Variants in SHISA9 observed in about 807,000 individuals in gnomAD.
SHISA9 encodes shisa family member 9, also known as protein shisa-9.
In SHISA9, 13 loss-of-function variants were observed where a neutral mutation model predicts 38.0. The ratio of observed to expected loss-of-function variants is 0.34; its 90% CI spans 0.22 to 0.54. SHISA9 has a LOEUF of 0.54. Ranked by LOEUF, SHISA9 falls within the 20% of genes least tolerant of loss-of-function variation. The pLI is 0.91. For synonymous variants in SHISA9, 275 were observed against 242.0 expected, an observed-to-expected ratio of 1.14 and a Z score of -1.27; for missense variants, 538 against 575.8, an observed-to-expected ratio of 0.93 and a Z score of 0.67.
At chr16:13,515,729 T>C in the SHISA9 span, among the ~76,000 whole-genome samples, 1 of 152,196 alleles carries the variant, frequency 6.6e-6, no homozygotes, top group East Asian at 1.9e-4. Context: ...CCATAATAAA[T>C]ACTTGTTTAA....
chr16:13,388,502 G>C, the SHISA9 span, among the ~76,000 whole-genome samples: 3 of 151,880 alleles, frequency 2.0e-5, no homozygotes, highest in Non-Finnish European at 4.4e-5. Context: ...AGTAGAGACA[G>C]GTTTTCACCA....
At chr16:13,408,516 G>A in the SHISA9 span, among the ~76,000 whole-genome samples, 1 of 151,990 alleles carries the variant, frequency 6.6e-6, no homozygotes, top group African/African-American at 2.4e-5. Flanking sequence ...ATTTTTTCTA[G>A]CATAACTGAT....
At chr16:13,317,920 A>G in the SHISA9 span, among the ~76,000 whole-genome samples, 2 of 152,048 alleles carry the variant, frequency 1.3e-5, no homozygotes, top group Admixed American at 1.3e-4. Flanking sequence ...TCAGGTCTCA[A>G]ATTTTCTGTT....
chr16:13,368,649 T>C, the SHISA9 span, among the ~76,000 whole-genome samples: 7 of 152,080 alleles, frequency 4.6e-5, no homozygotes, highest in Admixed American at 2.6e-4. Context: ...GTGAATTTTC[T>C]TATCTTGGAG....
the SHISA9 span, among the ~76,000 whole-genome samples, chr16:13,387,245 A>G: frequency 2.0e-5 from 3 of 152,194 alleles, no homozygotes; most frequent in African/African-American, 7.2e-5. Context: ...ATGTGACCTC[A>G]TTTGGAAATA....
At chr16:13,227,384 G>T (rs2051289742) in intron 4 of SHISA9, among the ~76,000 whole-genome samples, 1 of 152,230 alleles carries the variant, frequency 6.6e-6, no homozygotes, top group African/African-American at 2.4e-5. Context: ...GGAAGGACTT[G>T]TTGGTTTGAC....
chr16:13,403,161 T>C, the SHISA9 span, among the ~76,000 whole-genome samples: 55 of 152,188 alleles, frequency 3.6e-4, no homozygotes, highest in East Asian at 0.011. Context: ...ACCTAGTTTG[T>C]TGCATTTTAC....
At chr16:13,198,042 G>A (rs140464175) in intron 2 of SHISA9, among the ~76,000 whole-genome samples, 21 of 152,142 alleles carry the variant, frequency 1.4e-4, no homozygotes, top group Admixed American at 9.8e-4. Flanking sequence ...AAAATTAGCC[G>A]GGCTTGGTGG....
the SHISA9 span, among the ~76,000 whole-genome samples, chr16:13,306,214 A>C: frequency 1.2e-4 from 18 of 152,244 alleles, no homozygotes; most frequent in Admixed American, 9.2e-4. Context: ...TGGGGTTATC[A>C]TAATTTGGCA....
chr16:13,354,337 G>A, the SHISA9 span, among the ~76,000 whole-genome samples: 1 of 95,646 alleles, frequency 1.0e-5, no homozygotes, highest in African/African-American at 3.8e-5. Flanking sequence ...TAAATCAAGC[G>A]TGATCAGGGT....
chr16:13,117,903 C>G (rs912120577), intron 2 of SHISA9, among the ~76,000 whole-genome samples: 3 of 152,116 alleles, frequency 2.0e-5, no homozygotes, highest in Admixed American at 6.5e-5. Flanking sequence ...CACAGTCAGC[C>G]TGGTGTGATG....
At chr16:13,211,368 G>A (rs1479668895) in intron 3 of SHISA9, among the ~76,000 whole-genome samples, 1 of 151,618 alleles carries the variant, frequency 6.6e-6, no homozygotes, top group African/African-American at 2.4e-5. Flanking sequence ...TTGAACTCTA[G>A]TGTATTTGAG....
the SHISA9 span, among the ~76,000 whole-genome samples, chr16:13,403,317 C>G: frequency 6.6e-6 from 1 of 152,140 alleles, no homozygotes; most frequent in African/African-American, 2.4e-5. Flanking sequence ...TTTGAACAGC[C>G]TTTTAGGACC....
the SHISA9 span, among the ~76,000 whole-genome samples, chr16:13,431,890 A>G: frequency 6.6e-6 from 1 of 152,064 alleles, no homozygotes; most frequent in South Asian, 2.1e-4. Context: ...GAGACACCTC[A>G]TCTCTACTAA....
intron 2 of SHISA9, among the ~76,000 whole-genome samples, chr16:13,076,700 C>CT (rs1215298598): frequency 2.0e-5 from 3 of 152,202 alleles, no homozygotes; most frequent in Admixed American, 2.0e-4. Context: ...GGTGAGCTTC[C>CT]TGAAGCTTCA....
chr16:13,429,345 G>A, the SHISA9 span, among the ~76,000 whole-genome samples: 1 of 152,092 alleles, frequency 6.6e-6, no homozygotes, highest in Non-Finnish European at 1.5e-5. Flanking sequence ...GGTTTTTTCT[G>A]CGGGCTGTAA....
chr16:13,210,175 G>T (rs2051104735), intron 3 of SHISA9, among the ~76,000 whole-genome samples: 1 of 152,192 alleles, frequency 6.6e-6, no homozygotes, highest in African/African-American at 2.4e-5. Context: ...AACTGGAAAA[G>T]ATCACCCTTT....
At position 13,019,968 on chromosome 16, in the gene SHISA9, TTTCCTTCCTTCCTTCCTTCC is replaced by T. The variant is rs750335000; in HGVS notation, c.691+103178_691+103197del. ...CTTTCTTTCTTTCTTTCCCTCCTTC[TTTCCTTCCTTCCTTCCTTCC>T]TTCCTTCCTTCCTTCCTTCCTTCCC... On this transcript the variant is annotated intron_variant, in intron 2 of 4. Coordinates refer to ENST00000558583, the MANE Select transcript of SHISA9 (RefSeq NM_001145204.3). Among the ~76,000 whole-genome samples, 165 of 43,234 alleles carry T rather than the reference TTTCCTTCCTTCCTTCCTTCC, an allele frequency of 3.8e-3. 1 individual carries two copies. Among genetic ancestry groups the T allele is most frequent in the African/African-American group, 0.013 (151 of 11,278 alleles). 28.4% of individuals were successfully genotyped at this position (43,234 alleles called of 152,430 possible).
intron 2 of SHISA9, among the ~76,000 whole-genome samples, chr16:13,171,399 G>T (rs1372859968): frequency 1.3e-5 from 2 of 151,734 alleles, no homozygotes; most frequent in Non-Finnish European, 2.9e-5. Context: ...AGAGACTGGC[G>T]TGAAGTTGCA....
Sources: gnomAD v4.1 joint callset for allele counts (sites outside exome capture counted in the v4.1 genomes callset) on GRCh38, gnomAD v4.1.1 for gene constraint, MANE v1.5 for transcripts, NCBI Gene and HGNC (gene_info 2026-07-23, HGNC 2026-07-21) for gene names.